The following CNTN3 variants were observed in gnomAD, a reference collection of about 807,000 sequenced individuals.
CNTN3 encodes contactin 3.
Under a neutral mutation model 119.1 loss-of-function variants are expected in CNTN3, and 60 were observed. The observed-to-expected ratio is 0.50, with a 90% CI of 0.41 to 0.62. The LOEUF is 0.62. Among genes scored for constraint, CNTN3 ranks in the 20% least tolerant of loss-of-function variants. The pLI is 0.00. For synonymous variants in CNTN3, 450 were observed against 438.7 expected, an observed-to-expected ratio of 1.03 and a Z score of -0.32; for missense variants, 1,101 against 1,242.4, an observed-to-expected ratio of 0.89 and a Z score of 1.71.
intron 1 of CNTN3, among the ~76,000 whole-genome samples, chr3:74,534,810 A>G (rs2107139833): frequency 6.6e-6 from 1 of 152,066 alleles, no homozygotes; most frequent in Middle Eastern, 3.4e-3. Context: ...GTGCAAAAGT[A>G]ATTGCGGTTT....
chr3:74,475,341 A>T (rs1702635463), intron 4 of CNTN3, among the ~76,000 whole-genome samples: 1 of 152,222 alleles, frequency 6.6e-6, no homozygotes, highest in Non-Finnish European at 1.5e-5. Context: ...CACAAAGCAG[A>T]CTTATAAATT....
In CNTN3 at chr3:74,536,312, C is replaced by G. The variant is rs901056518; in HGVS notation, c.-80-15120G>C. On this transcript the variant is annotated intron_variant, in intron 1 of 22. Transcript: ENST00000263665. Reference sequence around the variant, plus strand: ...CTCCCCTCAGTACCTCAGTACCATACAGATATTAACCTTTTCTAATTGTAC... The same window carrying G: ...CTCCCCTCAGTACCTCAGTACCATAGAGATATTAACCTTTTCTAATTGTAC... Among the ~76,000 whole-genome samples the G allele has an allele frequency of 3.3e-5, 5 of 152,046 alleles. No homozygotes were observed. In the East Asian group the frequency reaches 9.7e-4, roughly 30 times the overall value.
chr3:74,591,952 GGAAA>G (rs890814118), intron 1 of CNTN3, among the ~76,000 whole-genome samples: 1 of 151,788 alleles, frequency 6.6e-6, no homozygotes, highest in Non-Finnish European at 1.5e-5. Context: ...CAAAAAGAGA[GGAAA>G]GAAAATTCAG....
At chr3:74,400,523 A>G (rs966684617) in intron 5 of CNTN3, among the ~76,000 whole-genome samples, 2 of 152,190 alleles carry the variant, frequency 1.3e-5, no homozygotes, top group African/African-American at 4.8e-5. Context: ...TGTATTTCAG[A>G]AAGTTTTATA....
At chr3:74,439,620 C>T (rs1401330209) in intron 4 of CNTN3, among the ~76,000 whole-genome samples, 2 of 152,104 alleles carry the variant, frequency 1.3e-5, no homozygotes, top group Non-Finnish European at 1.5e-5. Flanking sequence ...TTAGGTTTTG[C>T]CTAAAATCAC....
At chr3:74,567,814 C>CA (rs940918322) in intron 1 of CNTN3, among the ~76,000 whole-genome samples, 6 of 152,120 alleles carry the variant, frequency 3.9e-5, no homozygotes, top group Non-Finnish European at 5.9e-5. Context: ...TAGGAGAATA[C>CA]AAATGAGGAA....
chr3:74,520,288 C>T lies in CNTN3; in HGVS notation c.55+770G>A, dbSNP rs376515600. Among the ~76,000 whole-genome samples the T allele has an allele frequency of 1.1e-4, 17 of 150,862 alleles. No homozygotes were observed. In the South Asian group the frequency reaches 1.2e-3, roughly 11 times the overall value. ...CACACACATATATACAGAAGAAATA[C>T]AGTAAAATGGTACAATAGCTACATC... On this transcript the variant is annotated intron_variant, in intron 2 of 22. Coordinates refer to ENST00000263665, the MANE Select transcript of CNTN3 (RefSeq NM_020872.3).
At chr3:74,585,391 T>C (rs139668533) in intron 1 of CNTN3, among the ~76,000 whole-genome samples, 1,804 of 152,318 alleles carry the variant, frequency 0.012, 19 homozygotes, top group Non-Finnish European at 0.02. Context: ...ATGGATTTTC[T>C]GTAAAAGAGC....
At chr3:74,382,015 G>GCCAA (rs1297916501) in intron 5 of CNTN3, among the ~76,000 whole-genome samples, 2 of 151,932 alleles carry the variant, frequency 1.3e-5, no homozygotes, top group African/African-American at 4.8e-5. Flanking sequence ...TTGAGATCAG[G>GCCAA]CCAACCAACA....
intron 4 of CNTN3, among the ~76,000 whole-genome samples, chr3:74,430,334 C>T (rs1214344667): frequency 6.6e-6 from 1 of 152,208 alleles, no homozygotes. Context: ...TCTTTATACA[C>T]CCAACCCCTT....
intron 3 of CNTN3, among the ~76,000 whole-genome samples, chr3:74,492,121 A>G (rs1315397274): frequency 6.6e-6 from 1 of 152,182 alleles, no homozygotes; most frequent in Non-Finnish European, 1.5e-5. Context: ...CTACAAGTTC[A>G]GTGTCAGCCT....
chr3:74,516,891 A>G (rs9834729), intron 2 of CNTN3, among the ~76,000 whole-genome samples: 144,453 of 151,952 alleles, frequency 0.95, 68,668 homozygotes, highest in East Asian at 0.98. Flanking sequence ...GTTAATATAT[A>G]TCCCTGAGCT....
rs557382103 is a variant in CNTN3, at chr3:74,489,638, G to A, written c.183-3007C>T. On this transcript the variant is annotated intron_variant, in intron 3 of 22. Transcript: ENST00000263665. Reference sequence around the variant, plus strand: ...TTTCTGTTCCCACCCCCACCCCTCCGCCTAATCCCCAGGCCTTAGTCATGC... The same window carrying A: ...TTTCTGTTCCCACCCCCACCCCTCCACCTAATCCCCAGGCCTTAGTCATGC... 3.9e-4 allele frequency among the ~76,000 whole-genome samples: 28 copies of A among 71,976 alleles called. No homozygotes were observed. The East Asian group carries it at 0.012, about 31-fold the overall frequency. 47.2% of individuals were successfully genotyped at this position (71,976 alleles called of 152,430 possible). A position where few individuals can be genotyped will look rare whatever the true frequency, so the allele number is the denominator to read the frequency against.
intron 4 of CNTN3, among the ~76,000 whole-genome samples, chr3:74,485,609 A>G (rs1046588498): frequency 2.0e-5 from 3 of 152,170 alleles, no homozygotes; most frequent in African/African-American, 7.2e-5. Context: ...CTACCTCATT[A>G]TAAGAACACA....
intron 21 of CNTN3, among the ~76,000 whole-genome samples, 191 bp downstream of exon 21, chr3:74,267,075 T>C (rs1701675402): frequency 6.6e-6 from 1 of 152,132 alleles, no homozygotes; most frequent in African/African-American, 2.4e-5. Flanking sequence ...TTGAGCAGAA[T>C]TCTTTCACTT....
intron 3 of CNTN3, among the ~76,000 whole-genome samples, chr3:74,493,610 G>A (rs1368942641): frequency 1.3e-5 from 2 of 152,080 alleles, no homozygotes; most frequent in African/African-American, 2.4e-5. Flanking sequence ...CTTTATTTGG[G>A]GTTTGACAGG....
At chr3:74,389,988 G>A (rs1352767257) in intron 5 of CNTN3, among the ~76,000 whole-genome samples, 1 of 152,136 alleles carries the variant, frequency 6.6e-6, no homozygotes, top group East Asian at 1.9e-4. Flanking sequence ...TAATTTGTAG[G>A]AGACAACACT....
chr3:74,509,378 A>G (rs1329105816), intron 2 of CNTN3, among the ~76,000 whole-genome samples: 2 of 148,782 alleles, frequency 1.3e-5, no homozygotes, highest in Non-Finnish European at 3.0e-5. Context: ...CAGTGATGCA[A>G]CCTCCACATC....
At chr3:74,378,826 T>C (rs1421460890) in intron 5 of CNTN3, among the ~76,000 whole-genome samples, 2 of 152,210 alleles carry the variant, frequency 1.3e-5, no homozygotes, top group East Asian at 1.9e-4. Flanking sequence ...CTTAACTGTC[T>C]TATTTTATTT....
Sources: allele counts gnomAD v4.1 joint callset (sites outside exome capture counted in the v4.1 genomes callset), GRCh38; gene constraint gnomAD v4.1.1; transcripts MANE v1.5; gene names NCBI Gene and HGNC (gene_info 2026-07-23, HGNC 2026-07-21).